TNRC6C: variants seen among roughly 807,000 people sequenced by gnomAD.
TNRC6C encodes trinucleotide repeat containing adaptor 6C.
Under a neutral mutation model 153.7 loss-of-function variants are expected in TNRC6C, and 20 were observed. The observed-to-expected ratio is 0.13, with a 90% CI of 0.09 to 0.19. The LOEUF is 0.19. Among genes scored for constraint, TNRC6C ranks in the 10% least tolerant of loss-of-function variants. The pLI is 1.00. For missense variants in TNRC6C, 1,987 were observed against 2,172.0 expected (o/e 0.91, Z 1.69); for synonymous variants, 811 against 841.4 (o/e 0.96, Z 0.63).
intron 1 of TNRC6C, among the ~76,000 whole-genome samples, chr17:78,012,831 A>C (rs537189884): frequency 6.6e-6 from 1 of 152,220 alleles, no homozygotes; most frequent in African/African-American, 2.4e-5. Flanking sequence ...TGATTTATCT[A>C]TCTCACACTT....
intron 1 of TNRC6C, among the ~76,000 whole-genome samples, chr17:78,024,363 T>G (rs996729393): frequency 2.0e-4 from 30 of 152,012 alleles, no homozygotes; most frequent in African/African-American, 6.5e-4. Context: ...TTGGTTTTTT[T>G]GTTTGTTTGT....
chr17:77,969,895 C>T (rs2070927295), intron 1 of TNRC6C, among the ~76,000 whole-genome samples: 1 of 152,044 alleles, frequency 6.6e-6, no homozygotes, highest in Non-Finnish European at 1.5e-5. Flanking sequence ...GGTGAGAAGA[C>T]AGTTCTGAAA....
At chr17:77,975,377 A>G (rs764810332) in intron 1 of TNRC6C, among the ~76,000 whole-genome samples, 5 of 152,150 alleles carry the variant, frequency 3.3e-5, no homozygotes, top group African/African-American at 1.2e-4. Flanking sequence ...ATATCCACTG[A>G]GGTTGAGTGT....
intron 16 of TNRC6C, among the ~76,000 whole-genome samples, chr17:78,097,288 GAAATACTC>G (rs11278223): frequency 0.17 from 25,117 of 152,062 alleles, 2,353 homozygotes; most frequent in Non-Finnish European, 0.2. Flanking sequence ...CCAGTCAGAA[GAAATACTC>G]AAATTTTTAT....
Position 77,968,381 on chromosome 17 carries a change from G to A in TNRC6C, c.-38+9113G>A, listed in dbSNP as rs553482829. On this transcript the variant is annotated intron_variant, in intron 1 of 22. Transcript: ENST00000636222. ...GTTTGAGACGTAGTCTTGTTCTGTC[G>A]CCCAGACTAGAGTGCGGTAGCGTGA... is the stretch of plus-strand genomic sequence containing the variant. Among the ~76,000 whole-genome samples the A allele has an allele frequency of 9.3e-5, 14 of 151,014 alleles. 1 individual carries two copies. Among genetic ancestry groups the A allele is most frequent in the African/African-American group, 3.2e-4 (13 of 41,068 alleles).
chr17:78,073,433 C>G (rs2073032789), intron 7 of TNRC6C, among the ~76,000 whole-genome samples: 2 of 152,208 alleles, frequency 1.3e-5, no homozygotes, highest in Non-Finnish European at 2.9e-5. Flanking sequence ...CGTGCCTTGC[C>G]CCAGAACGGA....
intron 1 of TNRC6C, among the ~76,000 whole-genome samples, chr17:78,027,016 G>A (rs1020397521): frequency 2.6e-5 from 4 of 152,134 alleles, no homozygotes; most frequent in African/African-American, 9.7e-5. Context: ...TGATTTTGAA[G>A]TGTATCAAGT....
chr17:78,012,542 G>A (rs1409881626), intron 1 of TNRC6C, among the ~76,000 whole-genome samples: 1 of 152,206 alleles, frequency 6.6e-6, no homozygotes, highest in African/African-American at 2.4e-5. Flanking sequence ...ATATTTTAGT[G>A]GGAAGAGCCA....
At chr17:78,038,773 A>G (rs940615082) in intron 2 of TNRC6C, among the ~76,000 whole-genome samples, 14 of 152,256 alleles carry the variant, frequency 9.2e-5, no homozygotes, top group African/African-American at 3.4e-4. Context: ...CAAATTGTCA[A>G]AACTTTAAAT....
chr17:78,074,655 C>T (rs1433063902), intron 7 of TNRC6C, among the ~76,000 whole-genome samples: 1 of 152,178 alleles, frequency 6.6e-6, no homozygotes, highest in Non-Finnish European at 1.5e-5. Flanking sequence ...CTTGCAGATA[C>T]AGGACTCGGT....
At chr17:78,051,329 C>T in exon 3 of TNRC6C, 3 of 1,551,598 alleles carry the variant, frequency 1.9e-6, no homozygotes, top group Non-Finnish European at 2.6e-6. Flanking sequence ...CAGAGCAGTA[C>T]CACGACCAAT....
chr17:78,053,696 C>T (rs948609095), intron 3 of TNRC6C, among the ~76,000 whole-genome samples: 6 of 151,588 alleles, frequency 4.0e-5, no homozygotes, highest in African/African-American at 1.5e-4. Flanking sequence ...GTGGGACAGG[C>T]TAGTAATATC....
chr17:78,016,552 G>T (rs2071732009), intron 1 of TNRC6C, among the ~76,000 whole-genome samples: 1 of 152,202 alleles, frequency 6.6e-6, no homozygotes, highest in Non-Finnish European at 1.5e-5. Context: ...TTTCCAAACT[G>T]TTGGAGATAT....
intron 1 of TNRC6C, among the ~76,000 whole-genome samples, chr17:77,986,658 C>T (rs2071174036): frequency 6.6e-6 from 1 of 151,984 alleles, no homozygotes; most frequent in South Asian, 2.1e-4. Context: ...CTAGTGGTAG[C>T]AGATAACCAA....
At chr17:78,106,651 A>T (rs1421200474) in exon 20 of TNRC6C, 2 of 152,056 alleles carry the variant, frequency 1.3e-5, no homozygotes, top group Non-Finnish European at 2.9e-5. Flanking sequence ...ATGGACTCAA[A>T]AGAAATAGAT....
intron 1 of TNRC6C, among the ~76,000 whole-genome samples, chr17:77,960,357 G>A (rs2070851416): frequency 6.6e-6 from 1 of 152,112 alleles, no homozygotes; most frequent in Non-Finnish European, 1.5e-5. Context: ...TCGAGTGTCT[G>A]GTGTTCACGT....
chr17:77,989,054 G>A (rs962409441), intron 1 of TNRC6C, among the ~76,000 whole-genome samples: 5 of 152,196 alleles, frequency 3.3e-5, no homozygotes, highest in African/African-American at 1.2e-4. Context: ...GTAGACCTCA[G>A]AGCATCTGAA....
intron 1 of TNRC6C, among the ~76,000 whole-genome samples, chr17:77,985,391 G>A (rs574330141): frequency 1.3e-4 from 19 of 151,242 alleles, no homozygotes; most frequent in Non-Finnish European, 2.2e-4. Flanking sequence ...TCAGGAGATC[G>A]AGACCATCTG....
chr17:78,102,595 G>A (rs569318901), intron 18 of TNRC6C, 51 bp downstream of exon 21: 17 of 1,544,762 alleles, frequency 1.1e-5, no homozygotes, highest in South Asian at 4.8e-5. Context: ...GAGGGTTCCC[G>A]CTTGGCCCCC....
Sources: gnomAD v4.1 joint callset for allele counts (sites outside exome capture counted in the v4.1 genomes callset) on GRCh38, gnomAD v4.1.1 for gene constraint, MANE v1.5 for transcripts, NCBI Gene and HGNC (gene_info 2026-07-23, HGNC 2026-07-21) for gene names.